The following KCNH8 variants were observed in gnomAD, a reference collection of about 807,000 sequenced individuals.
The protein encoded by KCNH8 is potassium voltage-gated channel subfamily H member 8, also known as voltage-gated delayed rectifier potassium channel KCNH8.
In KCNH8, 70 loss-of-function variants were observed where a neutral mutation model predicts 103.6. The ratio of observed to expected loss-of-function variants is 0.68; its 90% CI spans 0.56 to 0.82. The LOEUF is 0.82. Ranked by LOEUF, KCNH8 falls within the 40% of genes least tolerant of loss-of-function variation. The pLI, the probability that KCNH8 is intolerant of heterozygous loss-of-function variation, is 0.00. For missense variants in KCNH8, 1,217 were observed against 1,329.9 expected (o/e 0.92, Z 1.32); for synonymous variants, 498 against 489.4 (o/e 1.02, Z -0.23).
intron 5 of KCNH8, among the ~76,000 whole-genome samples, chr3:19,386,708 A>G (rs928788999): frequency 1.3e-5 from 2 of 152,152 alleles, no homozygotes; most frequent in African/African-American, 4.8e-5. Flanking sequence ...ATATTTTTCA[A>G]CGTAAGGCTG....
At chr3:19,286,454 G>A (rs1224535716) in intron 3 of KCNH8, among the ~76,000 whole-genome samples, 1 of 152,132 alleles carries the variant, frequency 6.6e-6, no homozygotes, top group Non-Finnish European at 1.5e-5. Flanking sequence ...GAGTCCTCAG[G>A]AAACCAACCT....
At position 19,461,837 on chromosome 3, in the gene KCNH8, C is replaced by T. The variant is rs1268948224; in HGVS notation, c.2040+4855C>T. Among the ~76,000 whole-genome samples the T allele has an allele frequency of 5.3e-5, 8 of 152,258 alleles. No individual in the cohort carries two copies. The East Asian group carries it at 1.4e-3, about 26-fold the overall frequency. On this transcript the variant is annotated intron_variant, in intron 11 of 15. Transcript: ENST00000328405. ...CCCCTCCCAACCACCCCACAACAGGCCCCAGGGTGTGATGTTCCCCGCCCT... is the reference window on the plus strand; with the variant it reads ...CCCCTCCCAACCACCCCACAACAGGTCCCAGGGTGTGATGTTCCCCGCCCT...
At chr3:19,154,233 A>C (rs546748237) in intron 1 of KCNH8, among the ~76,000 whole-genome samples, 20 of 152,266 alleles carry the variant, frequency 1.3e-4, no homozygotes, top group African/African-American at 4.8e-4. Context: ...ACAATATTCT[A>C]TTTAATTTGC....
chr3:19,317,102 G>T (rs2065284380), intron 3 of KCNH8, among the ~76,000 whole-genome samples: 1 of 151,624 alleles, frequency 6.6e-6, no homozygotes, highest in Admixed American at 6.6e-5. Context: ...AGATTTTGTT[G>T]CTTTAACTTC....
intron 10 of KCNH8, among the ~76,000 whole-genome samples, chr3:19,456,257 A>T (rs141744552): frequency 2.6e-5 from 4 of 152,190 alleles, no homozygotes; most frequent in African/African-American, 7.2e-5. Flanking sequence ...TTTATTTGAC[A>T]TACATATTTA....
chr3:19,180,816 C>T (rs11920737), intron 1 of KCNH8, among the ~76,000 whole-genome samples: 6,278 of 152,102 alleles, frequency 0.041, 461 homozygotes, highest in African/African-American at 0.14. Context: ...TAGATGATTA[C>T]ACAAAGTTTA....
At chr3:19,374,952 G>A (rs1444463770) in intron 5 of KCNH8, among the ~76,000 whole-genome samples, 1 of 152,008 alleles carries the variant, frequency 6.6e-6, no homozygotes, top group Non-Finnish European at 1.5e-5. Flanking sequence ...CTTCTGGCTT[G>A]TAGGGTTTCT....
At chr3:19,363,009 C>T (rs7628175) in intron 5 of KCNH8, among the ~76,000 whole-genome samples, 34 of 152,196 alleles carry the variant, frequency 2.2e-4, no homozygotes, top group African/African-American at 7.7e-4. Context: ...TTGAAACATA[C>T]TTAATAATCC....
chr3:19,353,352 C>A (rs2065832050), intron 5 of KCNH8, among the ~76,000 whole-genome samples: 2 of 152,046 alleles, frequency 1.3e-5, no homozygotes, highest in East Asian at 3.9e-4. Context: ...AAATCAACAG[C>A]AAAAGAGGGA....
At chr3:19,430,353 T>G (rs895777441) in intron 7 of KCNH8, among the ~76,000 whole-genome samples, 2 of 152,202 alleles carry the variant, frequency 1.3e-5, no homozygotes. Context: ...AGTGCCGTGC[T>G]CTTTTGGTTA....
chr3:19,372,527 T>C (rs2066116640), intron 5 of KCNH8, among the ~76,000 whole-genome samples: 1 of 152,008 alleles, frequency 6.6e-6, no homozygotes, highest in Admixed American at 6.6e-5. Context: ...GACAATGGGG[T>C]TTTCTAGAAT....
chr3:19,350,890 A>G (rs2065792162), intron 5 of KCNH8, among the ~76,000 whole-genome samples: 1 of 152,160 alleles, frequency 6.6e-6, no homozygotes. Context: ...GACTTTGACG[A>G]GTTGAGAGAA....
chr3:19,423,216 A>C (rs1575049428), intron 7 of KCNH8, among the ~76,000 whole-genome samples: 1 of 151,936 alleles, frequency 6.6e-6, no homozygotes, highest in Non-Finnish European at 1.5e-5. Context: ...AGAGGTTTCT[A>C]CTGCAGTTTC....
chr3:19,376,116 G>A (rs1436135646), intron 5 of KCNH8, among the ~76,000 whole-genome samples: 1 of 152,218 alleles, frequency 6.6e-6, no homozygotes, highest in Admixed American at 6.5e-5. Flanking sequence ...TTGAGCTGTG[G>A]TGGGCTCCAC....
intron 2 of KCNH8, among the ~76,000 whole-genome samples, chr3:19,264,874 AG>A (rs2064486196): frequency 6.6e-6 from 1 of 152,034 alleles, no homozygotes; most frequent in Non-Finnish European, 1.5e-5. Flanking sequence ...GTTAAGTGGG[AG>A]GGCTGGGATC....
chr3:19,337,612 A>G (rs899395266), intron 3 of KCNH8, among the ~76,000 whole-genome samples: 1 of 152,024 alleles, frequency 6.6e-6, no homozygotes, highest in African/African-American at 2.4e-5. Context: ...CTCTTACTAG[A>G]TAATTTCATA....
At chr3:19,379,871 A>G (rs1284072310) in intron 5 of KCNH8, among the ~76,000 whole-genome samples, 10 of 152,172 alleles carry the variant, frequency 6.6e-5, no homozygotes, top group Non-Finnish European at 1.2e-4. Flanking sequence ...TAACCCCAAT[A>G]AAGAAAATTT....
Position 19,513,307 on chromosome 3 carries a change from C to A in KCNH8, c.2417C>A (p.Pro806His). ...LQLSTLNNAG[P>H]PDLSPRIVDG... ...CTTTCAACTTTGAATAATGCTGGAC[C>A]CCCAGACCTCAGTCCAAGGTAAGAG... Residue 806 changes from proline (P) to histidine (H), a missense_variant, in exon 13 of 16, where the codon CCC becomes CAC. By Grantham distance (77) the Pro-to-His change is moderately conservative (BLOSUM62 -2). This residue lies in a region of KCNH8 where 558 missense variants were observed against 495.8 expected (regional missense o/e 1.13). Coordinates refer to ENST00000328405, the MANE Select transcript of KCNH8 (RefSeq NM_144633.3). 2 of 1,598,478 alleles carry A rather than the reference C, an allele frequency of 1.3e-6. No individual in the cohort carries two copies. Among genetic ancestry groups the A allele is most frequent in the Non-Finnish European group, 1.7e-6 (2 of 1,173,924 alleles).
At chr3:19,245,202 A>G (rs1460988132) in intron 1 of KCNH8, among the ~76,000 whole-genome samples, 1 of 152,176 alleles carries the variant, frequency 6.6e-6, no homozygotes, top group African/African-American at 2.4e-5. Context: ...AGCACCATTT[A>G]TTAAATAGGG....
Sources: allele counts gnomAD v4.1 joint callset (sites outside exome capture counted in the v4.1 genomes callset), GRCh38; gene constraint gnomAD v4.1.1; regional missense constraint gnomAD v4.1.1; transcripts MANE v1.5; gene names NCBI Gene and HGNC (gene_info 2026-07-23, HGNC 2026-07-21).